The following NT5DC1 variants were observed in gnomAD, a reference collection of about 807,000 sequenced individuals.
The protein encoded by NT5DC1 is 5'-nucleotidase domain containing 1.
NT5DC1 carries 42 observed loss-of-function variants against 59.4 expected under a neutral mutation model. The observed-to-expected ratio is 0.71, with a 90% CI of 0.55 to 0.92. The LOEUF (loss-of-function observed/expected upper bound fraction) is 0.92. Among genes scored for constraint, NT5DC1 ranks in the 40% least tolerant of loss-of-function variants. The probability of loss-of-function intolerance (pLI) is 0.00; values close to 1 mark genes in which losing one functional copy is unlikely to be tolerated. For synonymous variants in NT5DC1, 172 were observed against 188.1 expected (o/e 0.91, Z 0.70); for missense variants, 501 against 537.1 (o/e 0.93, Z 0.66).
At chr6:116,170,454 A>C (rs761659591) in intron 6 of NT5DC1, among the ~76,000 whole-genome samples, 12 of 152,154 alleles carry the variant, frequency 7.9e-5, no homozygotes, top group Non-Finnish European at 1.3e-4. Flanking sequence ...TACCAGGTTC[A>C]TAGCCACCAT....
chr6:116,218,811 A>G (rs1195593138), intron 6 of NT5DC1, among the ~76,000 whole-genome samples: 1 of 150,554 alleles, frequency 6.6e-6, no homozygotes, highest in Admixed American at 6.6e-5. Context: ...TTCTTTTGTT[A>G]GTTTTGGTCT....
At chr6:116,227,717 A>G (rs1781936639) in intron 8 of NT5DC1, among the ~76,000 whole-genome samples, 2 of 151,842 alleles carry the variant, frequency 1.3e-5, no homozygotes, top group South Asian at 4.1e-4. Context: ...ATGCTTAGTG[A>G]TGTTGAGCAC....
At chr6:116,114,165 G>A (rs947618071) in intron 4 of NT5DC1, among the ~76,000 whole-genome samples, 3 of 152,068 alleles carry the variant, frequency 2.0e-5, no homozygotes, top group Non-Finnish European at 4.4e-5. Flanking sequence ...ATGAAAAACA[G>A]GAAGACTATA....
In NT5DC1 at chr6:116,152,616, C is replaced by G. The variant is rs189855201; in HGVS notation, c.529+34671C>G. Among the ~76,000 whole-genome samples, 76 of 152,234 alleles carry G rather than the reference C, an allele frequency of 5.0e-4. 1 individual carries two copies. In the East Asian group the frequency reaches 0.014, roughly 28 times the overall value. ...TTTCTTTACCAGGTCTTTATTTAAC[C>G]CCTTAACATAATGAAGACTTTGAAT... On this transcript the variant is annotated intron_variant, in intron 6 of 11. Coordinates refer to ENST00000319550, the MANE Select transcript of NT5DC1 (RefSeq NM_152729.3).
At chr6:116,124,769 T>C (rs978182821) in intron 6 of NT5DC1, among the ~76,000 whole-genome samples, 7 of 152,304 alleles carry the variant, frequency 4.6e-5, no homozygotes, top group Admixed American at 3.3e-4. Flanking sequence ...CGCTAAACTA[T>C]ATTCAAAATG....
chr6:116,173,381 G>C (rs1175130711), intron 6 of NT5DC1, among the ~76,000 whole-genome samples: 1 of 152,154 alleles, frequency 6.6e-6, no homozygotes, highest in Non-Finnish European at 1.5e-5. Flanking sequence ...TCTCCCATCT[G>C]GGGTGGGAAA....
intron 6 of NT5DC1, among the ~76,000 whole-genome samples, chr6:116,165,245 T>G (rs1403262412): frequency 6.6e-6 from 1 of 152,212 alleles, no homozygotes; most frequent in East Asian, 1.9e-4. Context: ...GATTTGATCC[T>G]TTTTTCTAGT....
chr6:116,106,770 C>T (rs544540424), intron 2 of NT5DC1, among the ~76,000 whole-genome samples: 1 of 152,312 alleles, frequency 6.6e-6, no homozygotes, highest in South Asian at 2.1e-4. Context: ...TTTAGTTCGA[C>T]ATTCCTAAGA....
intron 6 of NT5DC1, among the ~76,000 whole-genome samples, chr6:116,173,448 A>G (rs966522364): frequency 2.6e-5 from 4 of 152,146 alleles, no homozygotes; most frequent in Non-Finnish European, 4.4e-5. Flanking sequence ...GAATCCTCCA[A>G]TGGTGTAATG....
chr6:116,143,419 G>A (rs1779815865), intron 6 of NT5DC1, among the ~76,000 whole-genome samples: 2 of 151,986 alleles, frequency 1.3e-5, no homozygotes, highest in Admixed American at 1.3e-4. Flanking sequence ...TCACCATGTT[G>A]GCCAGGATGG....
intron 6 of NT5DC1, among the ~76,000 whole-genome samples, chr6:116,218,039 CTTGTCT>C (rs1428008992): frequency 1.3e-5 from 2 of 152,064 alleles, no homozygotes; most frequent in Non-Finnish European, 2.9e-5. Flanking sequence ...TTGTACAGGG[CTTGTCT>C]TTTTTAGTTT....
intron 6 of NT5DC1, among the ~76,000 whole-genome samples, chr6:116,211,140 A>G (rs1315221182): frequency 6.6e-6 from 1 of 152,052 alleles, no homozygotes; most frequent in Non-Finnish European, 1.5e-5. Context: ...GTGAGACCCA[A>G]ATGCAGAGAG....
chr6:116,235,246 A>T (rs534298645), intron 8 of NT5DC1, among the ~76,000 whole-genome samples: 1 of 152,266 alleles, frequency 6.6e-6, no homozygotes, highest in South Asian at 2.1e-4. Context: ...AATTCACATT[A>T]TTTGCGTAGT....
At position 116,246,776 on chromosome 6, in the gene NT5DC1, T is replaced by TA. The variant is rs1771856800; in HGVS notation, c.*2754dup. ...ATTAAAGCCATGAGGGCATACCAAG[T>TA]AATTCACCCAGTATGGTCTTATTGC... On this transcript the variant is annotated 3_prime_UTR_variant, in exon 12 of 12. Transcript: ENST00000319550. The TA allele has an allele frequency of 6.6e-6, 1 of 152,196 alleles. No homozygotes were observed. The highest frequency in any genetic ancestry group is 1.5e-5 in the Non-Finnish European group (1 of 68,010). 9.4% of individuals were successfully genotyped at this position (152,196 alleles called of 1,614,324 possible). A position where few individuals can be genotyped will look rare whatever the true frequency, so the allele number is the denominator to read the frequency against.
intron 6 of NT5DC1, among the ~76,000 whole-genome samples, chr6:116,127,717 A>C (rs1779357393): frequency 6.6e-6 from 1 of 152,128 alleles, no homozygotes; most frequent in African/African-American, 2.4e-5. Flanking sequence ...TATATATTTT[A>C]ATATTTTGTG....
At chr6:116,130,825 A>G (rs531862221) in intron 6 of NT5DC1, among the ~76,000 whole-genome samples, 87 of 152,216 alleles carry the variant, frequency 5.7e-4, no homozygotes, top group South Asian at 6.2e-4. Context: ...TGTTTATTCC[A>G]TGATACTCAC....
At chr6:116,146,827 A>G (rs184006734) in intron 6 of NT5DC1, among the ~76,000 whole-genome samples, 69 of 152,098 alleles carry the variant, frequency 4.5e-4, no homozygotes, top group African/African-American at 1.4e-3. Context: ...TTATTCAATA[A>G]GTGGTGTTTG....
intron 11 of NT5DC1, among the ~76,000 whole-genome samples, chr6:116,240,139 GAGA>G (rs1771671796): frequency 6.6e-6 from 1 of 152,254 alleles, no homozygotes; most frequent in Admixed American, 6.5e-5. Context: ...AAGATATAGT[GAGA>G]AGGAGTAAGA....
intron 6 of NT5DC1, chr6:116,137,146 C>A: frequency 4.9e-6 from 1 of 202,220 alleles, no homozygotes; most frequent in South Asian, 1.1e-4. Flanking sequence ...TTTCTGCAGT[C>A]TTGCGTAGAT....
Sources: allele counts gnomAD v4.1 joint callset (sites outside exome capture counted in the v4.1 genomes callset), GRCh38; gene constraint gnomAD v4.1.1; transcripts MANE v1.5; gene names NCBI Gene and HGNC (gene_info 2026-07-23, HGNC 2026-07-21).